The following GMDS variants were observed in gnomAD, a reference collection of about 807,000 sequenced individuals.
GMDS encodes GDP-mannose 4,6-dehydratase.
A neutral mutation model predicts 49.9 loss-of-function variants in GMDS; 20 were observed. The ratio of observed to expected loss-of-function variants is 0.40; its 90% CI spans 0.28 to 0.58. The LOEUF (loss-of-function observed/expected upper bound fraction) is 0.58, where lower values mean the gene tolerates loss of function less well. Among genes scored for constraint, GMDS ranks in the 20% least tolerant of loss-of-function variants. The pLI is 0.42. For missense variants in GMDS, 362 were observed against 481.4 expected (o/e 0.75, Z 2.32); for synonymous variants, 177 against 178.6 (o/e 0.99, Z 0.07).
chr6:1,762,137 C>T (rs1185472780), intron 7 of GMDS, among the ~76,000 whole-genome samples: 1 of 152,210 alleles, frequency 6.6e-6, no homozygotes, highest in African/African-American at 2.4e-5. Flanking sequence ...ATCATCTCAT[C>T]ATTAAATGCT....
intron 7 of GMDS, among the ~76,000 whole-genome samples, chr6:1,795,734 A>G (rs1431778783): frequency 6.6e-6 from 1 of 152,204 alleles, no homozygotes; most frequent in Non-Finnish European, 1.5e-5. Context: ...CTTGTAAATA[A>G]ATGTTCTTAT....
intron 7 of GMDS, among the ~76,000 whole-genome samples, chr6:1,787,224 G>A (rs1769361615): frequency 6.6e-5 from 10 of 152,190 alleles, no homozygotes; most frequent in Admixed American, 6.5e-4. Context: ...AAAGCACTGT[G>A]AGGTCAGAAA....
chr6:1,935,281 G>A (rs965488684), intron 6 of GMDS, among the ~76,000 whole-genome samples: 1 of 151,974 alleles, frequency 6.6e-6, no homozygotes, highest in African/African-American at 2.4e-5. Flanking sequence ...CAAATCACTG[G>A]GTACACTAAT....
chr6:1,718,550 G>A (rs915757645), intron 9 of GMDS, among the ~76,000 whole-genome samples: 23 of 152,068 alleles, frequency 1.5e-4, no homozygotes, highest in African/African-American at 4.8e-4. Context: ...CCCTGGTTCC[G>A]TGAGTCCCTC....
rs142538835 is a variant in GMDS at position 1,771,845 on chromosome 6, T to C, written c.772-29259A>G. ...AGTATGATGCTTAAGCTCAGCTCTATGAATACTGTAAAAATCCAAGAAGGG... is the reference window on the plus strand; with the variant it reads ...AGTATGATGCTTAAGCTCAGCTCTACGAATACTGTAAAAATCCAAGAAGGG... On this transcript the variant is annotated intron_variant, in intron 7 of 10. Transcript: ENST00000380815. Among the ~76,000 whole-genome samples, 302 of 152,270 alleles carry C rather than the reference T, an allele frequency of 2.0e-3. 2 individuals carry two copies. Among genetic ancestry groups the C allele is most frequent in the African/African-American group, 5.8e-3 (241 of 41,548 alleles).
intron 7 of GMDS, among the ~76,000 whole-genome samples, chr6:1,809,863 C>G (rs142576135): frequency 2.0e-5 from 3 of 151,972 alleles, no homozygotes; most frequent in Non-Finnish European, 4.4e-5. Context: ...GAGGGTGATA[C>G]GTTACAATAC....
At chr6:1,964,846 G>A (rs992329438) in intron 4 of GMDS, among the ~76,000 whole-genome samples, 20 of 151,928 alleles carry the variant, frequency 1.3e-4, no homozygotes, top group East Asian at 3.9e-4. Context: ...AACAGGCCCC[G>A]GTGTGTGATG....
chr6:1,946,345 T>G (rs1394974580), intron 6 of GMDS, among the ~76,000 whole-genome samples: 1 of 152,164 alleles, frequency 6.6e-6, no homozygotes. Context: ...TATCCTTCAC[T>G]ACTATGGGAA....
intron 7 of GMDS, among the ~76,000 whole-genome samples, chr6:1,802,946 C>T (rs1351844924): frequency 1.3e-5 from 2 of 152,304 alleles, no homozygotes; most frequent in East Asian, 1.9e-4. Flanking sequence ...AATGCACTAA[C>T]TGTGCTGATC....
chr6:2,049,047 T>C (rs1042262703), intron 4 of GMDS, among the ~76,000 whole-genome samples: 1 of 152,080 alleles, frequency 6.6e-6, no homozygotes, highest in East Asian at 1.9e-4. Context: ...CCCTGCCACA[T>C]GGGGACACGA....
chr6:2,119,029 G>C (rs996597466), intron 2 of GMDS, among the ~76,000 whole-genome samples: 1 of 151,914 alleles, frequency 6.6e-6, no homozygotes, highest in Non-Finnish European at 1.5e-5. Context: ...TACTATCAAA[G>C]TTACTTATGA....
At chr6:1,879,959 T>C (rs1189730718) in intron 7 of GMDS, among the ~76,000 whole-genome samples, 1 of 152,050 alleles carries the variant, frequency 6.6e-6, no homozygotes, top group Non-Finnish European at 1.5e-5. Context: ...TTAAGGGAAA[T>C]TAACAAAGAT....
At chr6:2,226,258 C>T (rs955111038) in intron 1 of GMDS, among the ~76,000 whole-genome samples, 3 of 152,050 alleles carry the variant, frequency 2.0e-5, no homozygotes, top group Admixed American at 1.3e-4. Flanking sequence ...ACATGAAACC[C>T]GTGAAGTCAG....
chr6:1,874,113 C>T (rs1041490421), intron 7 of GMDS, among the ~76,000 whole-genome samples: 3 of 152,208 alleles, frequency 2.0e-5, no homozygotes, highest in Admixed American at 2.0e-4. Context: ...GGGGACTGCA[C>T]GGCCACTTGG....
At chr6:1,823,457 A>G (rs1439480183) in intron 7 of GMDS, among the ~76,000 whole-genome samples, 1 of 152,146 alleles carries the variant, frequency 6.6e-6, no homozygotes, top group Non-Finnish European at 1.5e-5. Flanking sequence ...TCCCAATTGT[A>G]TGTTCTTACA....
chr6:1,892,522 C>T (rs60283150), intron 7 of GMDS, among the ~76,000 whole-genome samples: 33 of 152,216 alleles, frequency 2.2e-4, no homozygotes, highest in African/African-American at 7.2e-4. Context: ...CCATGCCTGG[C>T]TAATTTTTGT....
At chr6:2,219,015 T>G (rs1780463158) in intron 1 of GMDS, among the ~76,000 whole-genome samples, 1 of 152,136 alleles carries the variant, frequency 6.6e-6, no homozygotes, top group Non-Finnish European at 1.5e-5. Flanking sequence ...GAGGACCGCT[T>G]GAGCCCAGGA....
chr6:2,105,873 C>T (rs1341422772), intron 4 of GMDS, among the ~76,000 whole-genome samples: 1 of 152,138 alleles, frequency 6.6e-6, no homozygotes, highest in Non-Finnish European at 1.5e-5. Context: ...ACACAATACT[C>T]CTCTTCTCTG....
intron 1 of GMDS, among the ~76,000 whole-genome samples, chr6:2,244,129 C>T (rs1331498570): frequency 6.6e-6 from 1 of 151,938 alleles, no homozygotes; most frequent in African/African-American, 2.4e-5. Flanking sequence ...CTCTGCACAC[C>T]GAAGTGCTGA....
Sources: allele counts gnomAD v4.1 joint callset (sites outside exome capture counted in the v4.1 genomes callset), GRCh38; gene constraint gnomAD v4.1.1; transcripts MANE v1.5; gene names NCBI Gene and HGNC (gene_info 2026-07-23, HGNC 2026-07-21).